Variants in TNRC6C observed in about 807,000 individuals in gnomAD.
TNRC6C encodes trinucleotide repeat-containing gene 6C protein.
A neutral mutation model predicts 153.7 loss-of-function variants in TNRC6C; 20 were observed. That is an observed-to-expected ratio of 0.13 (90% CI 0.09 to 0.19). TNRC6C has a LOEUF of 0.19. Ranked by LOEUF, TNRC6C falls within the 10% of genes least tolerant of loss-of-function variation. The pLI is 1.00. For missense variants in TNRC6C, 1,987 were observed against 2,172.0 expected, an observed-to-expected ratio of 0.91 and a Z score of 1.69; for synonymous variants, 811 against 841.4, an observed-to-expected ratio of 0.96 and a Z score of 0.63.
intron 11 of TNRC6C, 105 bp from the exon 14 acceptor site, chr17:78,086,398 G>A (rs1046524543): frequency 1.1e-6 from 1 of 949,586 alleles, no homozygotes; most frequent in South Asian, 1.6e-5. Flanking sequence ...AAGAAGAGTG[G>A]CTAGGTTCTC....
chr17:77,999,274 C>T (rs137916093), upstream of TNRC6C, among the ~76,000 whole-genome samples: 1,493 of 152,290 alleles, frequency 9.8e-3, 11 homozygotes, highest in Middle Eastern at 0.024. Flanking sequence ...ATGGGTTTCT[C>T]TTGGTTGTAG....
At chr17:78,063,840 G>C (rs1251645272) in intron 3 of TNRC6C, among the ~76,000 whole-genome samples, 1 of 152,064 alleles carries the variant, frequency 6.6e-6, no homozygotes, top group Non-Finnish European at 1.5e-5. Flanking sequence ...GTATATATTT[G>C]CAACTCACAA....
At chr17:78,025,436 TA>T (rs1455614173) in intron 1 of TNRC6C, among the ~76,000 whole-genome samples, 1 of 152,242 alleles carries the variant, frequency 6.6e-6, no homozygotes, top group Non-Finnish European at 1.5e-5. Context: ...CTAATTTTTT[TA>T]AATCACGTAA....
chr17:77,973,193 A>G (rs1229326760), intron 1 of TNRC6C, among the ~76,000 whole-genome samples: 1 of 152,244 alleles, frequency 6.6e-6, no homozygotes, highest in South Asian at 2.1e-4. Flanking sequence ...GGCGTGAGCC[A>G]CTACGCCTGG....
At chr17:78,001,568 G>A (rs916217801), upstream of TNRC6C, among the ~76,000 whole-genome samples, 5 of 152,200 alleles carry the variant, frequency 3.3e-5, no homozygotes, top group African/African-American at 1.2e-4. Flanking sequence ...CATCTCAGTA[G>A]GGGGAGGGAG....
chr17:78,012,132 G>T (rs191432874), intron 1 of TNRC6C: 3 of 152,256 alleles, frequency 2.0e-5, no homozygotes, highest in Admixed American at 1.3e-4. Flanking sequence ...CAGAAAATAT[G>T]CACTTTCAAA....
chr17:78,107,339 T>C (rs2073718634), exon 20 of TNRC6C: 1 of 152,226 alleles, frequency 6.6e-6, no homozygotes, highest in Non-Finnish European at 1.5e-5. Context: ...AACAACAAGT[T>C]CGTGGCTCTT....
intron 1 of TNRC6C, among the ~76,000 whole-genome samples, chr17:77,980,321 G>A (rs1283950998): frequency 6.6e-6 from 1 of 152,172 alleles, no homozygotes; most frequent in Non-Finnish European, 1.5e-5. Context: ...AACACAGAAA[G>A]CTGGAAGAGA....
chr17:78,054,942 C>T (rs2072622069), intron 3 of TNRC6C, among the ~76,000 whole-genome samples: 1 of 152,072 alleles, frequency 6.6e-6, no homozygotes, highest in Admixed American at 6.5e-5. Flanking sequence ...CTGCGGACTA[C>T]TGTACGCTAC....
chr17:78,043,429 AT>A (rs922811056), intron 2 of TNRC6C, among the ~76,000 whole-genome samples: 4 of 152,184 alleles, frequency 2.6e-5, no homozygotes, highest in South Asian at 2.1e-4. Context: ...ATTTTTTATA[AT>A]TTTTTTTATT....
At chr17:77,975,267 C>T (rs112267765) in intron 1 of TNRC6C, among the ~76,000 whole-genome samples, 101 of 151,942 alleles carry the variant, frequency 6.6e-4, no homozygotes, top group African/African-American at 2.3e-3. Flanking sequence ...AGGTTTTTTT[C>T]TGATATACAT....
At chr17:78,096,613 C>T (rs1185178618) in intron 16 of TNRC6C, among the ~76,000 whole-genome samples, 2 of 152,210 alleles carry the variant, frequency 1.3e-5, no homozygotes, top group Non-Finnish European at 2.9e-5. Context: ...GGGCCTACGG[C>T]TGAGATGCCA....
chr17:78,093,913 G>C, intron 16 of TNRC6C, 150 bp downstream of exon 18: 1 of 844,464 alleles, frequency 1.2e-6, no homozygotes, highest in Non-Finnish European at 1.7e-6. Context: ...AGCATGAAAA[G>C]ACAGCAGGTA....
In TNRC6C at chr17:78,022,392, A is replaced by T. The variant is rs201430731; in HGVS notation, c.-545-9124A>T. Among the ~76,000 whole-genome samples the T allele has an allele frequency of 2.6e-5, 4 of 152,356 alleles. No individual in the cohort carries two copies. The East Asian group carries it at 7.7e-4, about 29-fold the overall frequency. ...TTATATTGAAAAATGGACTGATAAC[A>T]TTCATCTATGATTTGCTTACTTCTT... is the stretch of plus-strand genomic sequence containing the variant. On this transcript the variant is annotated intron_variant, in intron 1 of 19. Transcript: ENST00000301624.
chr17:78,068,073 A>G, intron 5 of TNRC6C, 150 bp downstream of exon 7: 1 of 823,078 alleles, frequency 1.2e-6, no homozygotes, highest in Non-Finnish European at 1.8e-6. Context: ...CTTTCAGGGG[A>G]GTAAGCAAGG....
chr17:77,999,139 G>A (rs1441197758), intron 1 of TNRC6C, among the ~76,000 whole-genome samples: 1 of 152,210 alleles, frequency 6.6e-6, no homozygotes, highest in African/African-American at 2.4e-5. Flanking sequence ...AGCCCAAAAT[G>A]GTGAAGGTTT....
At chr17:78,096,844 A>C (rs146381881) in intron 16 of TNRC6C, among the ~76,000 whole-genome samples, 3 of 152,324 alleles carry the variant, frequency 2.0e-5, no homozygotes, top group South Asian at 4.1e-4. Flanking sequence ...GGAGAGCCAC[A>C]TTAGAAAATA....
chr17:78,006,544 TTC>T, intron 1 of TNRC6C, among the ~76,000 whole-genome samples: 2 of 128,710 alleles, frequency 1.6e-5, no homozygotes, highest in African/African-American at 3.3e-5. Flanking sequence ...CTTCTTCTTC[TTC>T]TTCTTCTTCT....
intron 2 of TNRC6C, among the ~76,000 whole-genome samples, chr17:78,032,619 T>C (rs1383531224): frequency 3.3e-5 from 5 of 152,238 alleles, no homozygotes; most frequent in Admixed American, 1.3e-4. Context: ...GTTTCTGGAA[T>C]GGAAACTTAT....
Sources: allele counts gnomAD v4.1 joint callset (sites outside exome capture counted in the v4.1 genomes callset), GRCh38; gene constraint gnomAD v4.1.1; transcripts MANE v1.5; gene names NCBI Gene and HGNC (gene_info 2026-07-23, HGNC 2026-07-21).